Variants in RIMBP2 observed in about 807,000 individuals in gnomAD.
RIMBP2 encodes RIMS binding protein 2, also known as RIMS-binding protein 2.
In RIMBP2, 48 loss-of-function variants were observed where a neutral mutation model predicts 118.6. The observed-to-expected ratio is 0.40, with a 90% CI of 0.32 to 0.51. The LOEUF is 0.51. RIMBP2 is among the 20% of genes least tolerant of loss of function. The pLI is 0.41. For missense variants in RIMBP2, 1,551 were observed against 1,768.3 expected (o/e 0.88, Z 2.20); for synonymous variants, 762 against 742.9 (o/e 1.03, Z -0.42).
intron 1 of RIMBP2, among the ~76,000 whole-genome samples, chr12:130,681,163 A>G (rs1333063964): frequency 6.6e-6 from 1 of 152,156 alleles, no homozygotes; most frequent in Non-Finnish European, 1.5e-5. Flanking sequence ...CACAAGGACT[A>G]TGATTAGCAG....
At chr12:130,479,568 GA>G (rs2081766067) in intron 4 of RIMBP2, among the ~76,000 whole-genome samples, 1 of 151,810 alleles carries the variant, frequency 6.6e-6, no homozygotes, top group Non-Finnish European at 1.5e-5. Flanking sequence ...CGCCTGTTCA[GA>G]ATGCAAACCC....
chr12:130,410,636 C>G (rs1052987981), intron 19 of RIMBP2, among the ~76,000 whole-genome samples: 1 of 152,132 alleles, frequency 6.6e-6, no homozygotes, highest in African/African-American at 2.4e-5. Context: ...CGTTGAATTG[C>G]CTTTTTACCT....
intron 1 of RIMBP2, among the ~76,000 whole-genome samples, chr12:130,699,610 G>C (rs889269965): frequency 6.6e-5 from 10 of 151,372 alleles, no homozygotes; most frequent in African/African-American, 2.2e-4. Context: ...GATAGCGTTA[G>C]GAGATATACC....
At chr12:130,696,241 C>A (rs2065570204) in intron 1 of RIMBP2, among the ~76,000 whole-genome samples, 1 of 152,196 alleles carries the variant, frequency 6.6e-6, no homozygotes, top group African/African-American at 2.4e-5. Flanking sequence ...AAGACGCCTG[C>A]ACAATGCAGC....
At chr12:130,612,970 C>G (rs148097356) in intron 2 of RIMBP2, among the ~76,000 whole-genome samples, 4 of 152,072 alleles carry the variant, frequency 2.6e-5, no homozygotes, top group East Asian at 1.9e-4. Flanking sequence ...TAGTCTCCAG[C>G]CCCCCGTCAT....
chr12:130,510,677 C>T (rs2050823172), intron 3 of RIMBP2, among the ~76,000 whole-genome samples: 1 of 152,142 alleles, frequency 6.6e-6, no homozygotes, highest in African/African-American at 2.4e-5. Flanking sequence ...TCATGTTGGC[C>T]AGGCTGGTCT....
intron 2 of RIMBP2, among the ~76,000 whole-genome samples, chr12:130,574,834 C>T (rs2057962138): frequency 6.6e-6 from 1 of 152,066 alleles, no homozygotes; most frequent in African/African-American, 2.4e-5. Context: ...TCCCTCTGTC[C>T]ACTCACAGGG....
At chr12:130,633,702 C>G (rs1016791228) in intron 1 of RIMBP2, 1 of 152,208 alleles carries the variant, frequency 6.6e-6, no homozygotes, top group African/African-American at 2.4e-5. Context: ...AACCCTTGCT[C>G]TACAGCCCAC....
chr12:130,651,748 A>G (rs2063240344), intron 1 of RIMBP2, among the ~76,000 whole-genome samples: 1 of 152,234 alleles, frequency 6.6e-6, no homozygotes, highest in African/African-American at 2.4e-5. Flanking sequence ...AATTTAACAC[A>G]TTTCACATTA....
intron 1 of RIMBP2, chr12:130,667,971 T>C (rs1454613977): frequency 1.3e-5 from 2 of 152,188 alleles, no homozygotes; most frequent in Admixed American, 6.5e-5. Context: ...AGTATAGCAC[T>C]TTGCTGAGTT....
chr12:130,619,221 C>G (rs2061149769), intron 2 of RIMBP2, among the ~76,000 whole-genome samples: 5 of 152,216 alleles, frequency 3.3e-5, no homozygotes, highest in African/African-American at 1.2e-4. Flanking sequence ...ACTACGCGAG[C>G]AAAGGTGAAA....
At chr12:130,510,058 T>C (rs2050756416) in intron 3 of RIMBP2, among the ~76,000 whole-genome samples, 1 of 152,228 alleles carries the variant, frequency 6.6e-6, no homozygotes, top group African/African-American at 2.4e-5. Context: ...AATTGCCTTC[T>C]AAGGGTCAGC....
chr12:130,458,764 G>T (rs1477607683), intron 6 of RIMBP2, among the ~76,000 whole-genome samples: 5 of 152,152 alleles, frequency 3.3e-5, no homozygotes, highest in Non-Finnish European at 7.3e-5. Flanking sequence ...ACTAAAATAG[G>T]CCAGGCACGG....
chr12:130,641,036 G>A (rs73448940), intron 1 of RIMBP2, among the ~76,000 whole-genome samples: 6,378 of 152,234 alleles, frequency 0.042, 230 homozygotes, highest in African/African-American at 0.092. Context: ...GGCACTCAGC[G>A]CTGTTTCTGT....
rs1231731027 is a variant in RIMBP2, at chr12:130,518,903, T to C, written c.-216-986A>G. 2.0e-5 allele frequency among the ~76,000 whole-genome samples: 3 copies of C among 152,056 alleles called. No homozygotes were observed. The East Asian group carries it at 5.8e-4, about 29-fold the overall frequency. ...CAGGATAAATTTACTCCAGAGGAAA[T>C]AAAAATAATAAAGCAACCTGAAAAG... On this transcript the variant is annotated intron_variant, in intron 2 of 22. Transcript: ENST00000690449.
Position 130,442,772 on chromosome 12 carries a change from C to G in RIMBP2, c.692-112G>C. 1 of 869,308 alleles carries G rather than the reference C, an allele frequency of 1.2e-6. No individual in the cohort carries two copies. The allele number at this position is 869,308 out of a possible 1,614,324, so 53.8% of individuals were successfully genotyped here. Reference sequence around the variant, plus strand: ...ACCATAAGGCAGAGCAACAGGGTTGCCCTGGGGCTCCTCCGCTGTTCCCAG... The same window carrying G: ...ACCATAAGGCAGAGCAACAGGGTTGGCCTGGGGCTCCTCCGCTGTTCCCAG... On this transcript the variant is annotated intron_variant, in intron 10 of 22. Coordinates refer to ENST00000690449, the MANE Select transcript of RIMBP2 (RefSeq NM_001393629.1). This position sits in a 1 kb window ranked among gnomAD's most constrained non-coding sequence, Gnocchi z 6.9.
chr12:130,690,190 C>A (rs976077546), intron 1 of RIMBP2, among the ~76,000 whole-genome samples: 1 of 152,228 alleles, frequency 6.6e-6, no homozygotes, highest in Non-Finnish European at 1.5e-5. Flanking sequence ...CTTGTGCAGG[C>A]TCCAGGGATT....
chr12:130,712,795 C>T (rs1270360819), intron 1 of RIMBP2, among the ~76,000 whole-genome samples: 1 of 152,124 alleles, frequency 6.6e-6, no homozygotes, highest in East Asian at 1.9e-4. Flanking sequence ...CCCACACCAT[C>T]GTCACTAAAC....
At chr12:130,497,150 G>A (rs1371244113) in intron 4 of RIMBP2, among the ~76,000 whole-genome samples, 1 of 152,080 alleles carries the variant, frequency 6.6e-6, no homozygotes, top group Non-Finnish European at 1.5e-5. Context: ...GCCTGTCACT[G>A]AACGAGGGCC....
Sources: allele counts gnomAD v4.1 joint callset (sites outside exome capture counted in the v4.1 genomes callset), GRCh38; gene constraint gnomAD v4.1.1; non-coding constraint Gnocchi (gnomAD v3.1); transcripts MANE v1.5; gene names NCBI Gene and HGNC (gene_info 2026-07-23, HGNC 2026-07-21).